GPC5: variants seen among roughly 807,000 people sequenced by gnomAD.
The protein encoded by GPC5 is glypican 5, also known as glypican-5.
Under a neutral mutation model 53.9 loss-of-function variants are expected in GPC5, and 47 were observed. The observed-to-expected ratio is 0.87, with a 90% CI of 0.69 to 1.11. The LOEUF is 1.11. Among genes scored for constraint, GPC5 ranks in the 50% most tolerant of loss-of-function variants. The pLI is 0.00. For synonymous variants in GPC5, 286 were observed against 263.3 expected (o/e 1.09, Z -0.84); for missense variants, 748 against 713.1 (o/e 1.05, Z -0.56).
chr13:92,825,127 A>G (rs1161389628), intron 7 of GPC5, among the ~76,000 whole-genome samples: 1 of 152,108 alleles, frequency 6.6e-6, no homozygotes, highest in Non-Finnish European at 1.5e-5. Flanking sequence ...TCAAATATAC[A>G]TTGCCCTATT....
chr13:92,654,610 C>A (rs11842961), intron 7 of GPC5, among the ~76,000 whole-genome samples: 36,183 of 151,926 alleles, frequency 0.24, 5,009 homozygotes, highest in South Asian at 0.39. Flanking sequence ...GCTGTTAAAC[C>A]TTTATTACGA....
intron 2 of GPC5, among the ~76,000 whole-genome samples, chr13:91,571,846 T>TGTATACACACAC (rs1566515688): frequency 1.0e-4 from 10 of 98,970 alleles, no homozygotes; most frequent in African/African-American, 6.0e-4. Context: ...TACTTGTGTG[T>TGTATACACACAC]ATATACACAT....
intron 7 of GPC5, among the ~76,000 whole-genome samples, chr13:92,615,660 G>T (rs1884657267): frequency 1.3e-5 from 2 of 152,124 alleles, no homozygotes; most frequent in African/African-American, 4.8e-5. Context: ...GACTTCTTAT[G>T]GTCTTAAATA....
At chr13:92,567,351 C>T (rs1882892320) in intron 7 of GPC5, among the ~76,000 whole-genome samples, 1 of 152,096 alleles carries the variant, frequency 6.6e-6, no homozygotes, top group Admixed American at 6.6e-5. Flanking sequence ...CCCAGTTCGA[C>T]ACAAAATTTC....
Position 92,145,980 on chromosome 13 carries a change from T to C in GPC5, c.1561+991T>C, listed in dbSNP as rs75934153. Among the ~76,000 whole-genome samples the C allele has an allele frequency of 7.6e-3, 1,153 of 152,212 alleles. 16 individuals are homozygous for C. Among genetic ancestry groups the C allele is most frequent in the African/African-American group, 0.026 (1,099 of 41,536 alleles). On this transcript the variant is annotated intron_variant, in intron 7 of 7. Coordinates refer to ENST00000377067, the MANE Select transcript of GPC5 (RefSeq NM_004466.6). ...AATCAATTCCTCATTCCTTCTAAGA[T>C]CTGGTTTTACAAGCCAAATATATTG...
At chr13:92,072,606 C>T (rs1030365254) in intron 6 of GPC5, among the ~76,000 whole-genome samples, 3 of 144,550 alleles carry the variant, frequency 2.1e-5, no homozygotes, top group Non-Finnish European at 4.5e-5. Context: ...CAGAGTCTTA[C>T]CCTCTTGCCC....
At chr13:92,615,921 G>T (rs1349139740) in intron 7 of GPC5, among the ~76,000 whole-genome samples, 2 of 152,124 alleles carry the variant, frequency 1.3e-5, no homozygotes, top group Non-Finnish European at 2.9e-5. Flanking sequence ...GGGCATAGTG[G>T]CAGGTGCCTG....
chr13:92,407,778 T>C (rs1875857989), intron 7 of GPC5, among the ~76,000 whole-genome samples: 1 of 152,064 alleles, frequency 6.6e-6, no homozygotes, highest in African/African-American at 2.4e-5. Context: ...ACATAAAAAA[T>C]GTGAGTAATG....
intron 6 of GPC5, among the ~76,000 whole-genome samples, chr13:92,095,402 T>C (rs558408691): frequency 6.2e-4 from 94 of 152,170 alleles, no homozygotes; most frequent in African/African-American, 2.1e-3. Context: ...GGCTGGAGTG[T>C]AGTGGCACGA....
At chr13:92,736,979 A>G (rs1295540512) in intron 7 of GPC5, among the ~76,000 whole-genome samples, 1 of 152,000 alleles carries the variant, frequency 6.6e-6, no homozygotes, top group Non-Finnish European at 1.5e-5. Flanking sequence ...AGCTGGGCCT[A>G]AGGTTTTAAA....
At chr13:91,994,196 A>G (rs1294712404) in intron 6 of GPC5, among the ~76,000 whole-genome samples, 2 of 152,340 alleles carry the variant, frequency 1.3e-5, no homozygotes, top group East Asian at 3.9e-4. Flanking sequence ...GTGAATATGC[A>G]TGTATACCGT....
chr13:92,647,645 G>C (rs1313909128), intron 7 of GPC5, among the ~76,000 whole-genome samples: 1 of 152,012 alleles, frequency 6.6e-6, no homozygotes, highest in Non-Finnish European at 1.5e-5. Flanking sequence ...GAGTTCCAGA[G>C]TTCAGACATT....
At chr13:92,146,920 A>C (rs1022235715) in intron 7 of GPC5, among the ~76,000 whole-genome samples, 24 of 151,966 alleles carry the variant, frequency 1.6e-4, no homozygotes, top group Non-Finnish European at 3.1e-4. Flanking sequence ...ATTGATGGGC[A>C]TTTGGGCTGA....
At chr13:91,776,246 C>T (rs1398331156) in intron 5 of GPC5, among the ~76,000 whole-genome samples, 1 of 152,094 alleles carries the variant, frequency 6.6e-6, no homozygotes, top group East Asian at 1.9e-4. Context: ...AAGCACACTT[C>T]TGAGGGACAT....
intron 6 of GPC5, among the ~76,000 whole-genome samples, chr13:91,966,017 GA>G (rs1226062033): frequency 6.6e-6 from 1 of 152,048 alleles, no homozygotes; most frequent in East Asian, 1.9e-4. Context: ...GTACTTACTA[GA>G]AACCAGCAAT....
At chr13:92,622,278 C>T (rs1205887969) in intron 7 of GPC5, among the ~76,000 whole-genome samples, 2 of 152,200 alleles carry the variant, frequency 1.3e-5, no homozygotes, top group Non-Finnish European at 2.9e-5. Flanking sequence ...AGCTACATCG[C>T]CACAGGTCTG....
intron 7 of GPC5, among the ~76,000 whole-genome samples, chr13:92,239,259 T>C (rs1013670635): frequency 2.0e-5 from 3 of 152,010 alleles, no homozygotes; most frequent in African/African-American, 7.2e-5. Context: ...GCTGACTTTT[T>C]AATAGGATTT....
chr13:92,493,889 C>T (rs906123082), intron 7 of GPC5, among the ~76,000 whole-genome samples: 3 of 152,116 alleles, frequency 2.0e-5, no homozygotes, highest in African/African-American at 7.2e-5. Flanking sequence ...GATGAGGCAT[C>T]GAGGACATTG....
intron 7 of GPC5, chr13:92,701,248 T>C (rs1165944338): frequency 6.6e-6 from 1 of 152,070 alleles, no homozygotes; most frequent in Non-Finnish European, 1.5e-5. Flanking sequence ...TACAAAGAAA[T>C]AACCCTGGAT....
Sources: allele counts gnomAD v4.1 joint callset (sites outside exome capture counted in the v4.1 genomes callset), GRCh38; gene constraint gnomAD v4.1.1; transcripts MANE v1.5; gene names NCBI Gene and HGNC (gene_info 2026-07-23, HGNC 2026-07-21).